Variants in WNT2B observed in about 807,000 individuals in gnomAD.
WNT2B encodes the protein Wnt family member 2B, also known as protein Wnt-2b.
In WNT2B, 19 loss-of-function variants were observed where a neutral mutation model predicts 40.5. That is an observed-to-expected ratio of 0.47 (90% confidence interval 0.33 to 0.69). The LOEUF is 0.69. WNT2B is among the 30% of genes least tolerant of loss of function. The probability of loss-of-function intolerance (pLI) is 0.02; values close to 1 mark genes in which losing one functional copy is unlikely to be tolerated. For synonymous variants in WNT2B, 220 were observed against 211.9 expected (o/e 1.04, Z -0.33); for missense variants, 467 against 556.4 (o/e 0.84, Z 1.62).
At chr1:112,502,669 C>T (rs1651996879) in intron 1 of WNT2B, among the ~76,000 whole-genome samples, 1 of 152,148 alleles carries the variant, frequency 6.6e-6, no homozygotes, top group African/African-American at 2.4e-5. Context: ...TGGAAAGACC[C>T]TTCTCCTGTG....
chr1:112,493,817 A>G (rs927489608), intron 1 of WNT2B, among the ~76,000 whole-genome samples: 1 of 152,136 alleles, frequency 6.6e-6, no homozygotes, highest in Non-Finnish European at 1.5e-5. Flanking sequence ...AATGTTGGCC[A>G]CCAAACCACA....
chr1:112,505,959 C>T (rs1295470848), upstream of WNT2B, among the ~76,000 whole-genome samples: 1 of 152,028 alleles, frequency 6.6e-6, no homozygotes, highest in East Asian at 1.9e-4. Context: ...TGGCTGTACC[C>T]CCCTCACCCC....
chr1:112,507,453 T>C (rs1427451731), upstream of WNT2B, among the ~76,000 whole-genome samples: 1 of 152,186 alleles, frequency 6.6e-6, no homozygotes, highest in Non-Finnish European at 1.5e-5. Flanking sequence ...TCACTGTAGG[T>C]TGGGGACAGG....
At chr1:112,489,829 G>C (rs1049939594) in intron 1 of WNT2B, among the ~76,000 whole-genome samples, 1 of 151,406 alleles carries the variant, frequency 6.6e-6, no homozygotes, top group Admixed American at 6.6e-5. Context: ...CATGTCCCTC[G>C]CCAGTATGTT....
chr1:112,506,792 T>TA (rs1179279254), upstream of WNT2B, among the ~76,000 whole-genome samples: 4 of 152,032 alleles, frequency 2.6e-5, no homozygotes, highest in Non-Finnish European at 5.9e-5. Flanking sequence ...GGGAAGAAAA[T>TA]AAGTTAGCCT....
chr1:112,509,329 C>A lies in WNT2B; in HGVS notation c.67C>A (p.Pro23Thr). The A allele has an allele frequency of 6.3e-7, 1 of 1,587,294 alleles. No individual in the cohort carries two copies. The highest frequency in any genetic ancestry group is 8.5e-7 in the Non-Finnish European group (1 of 1,173,452). ...GCTTCGGCGCGCCAGCGCCCCGGTC[C>A]CTGTGCCGTCGCCCGCGGCCCCCGA... ...LPLRRASAPV[P>T]VPSPAAPDGS... The change falls in exon 1 of 5, where the codon CCT (proline) becomes ACT (threonine). Residue 23 changes from proline (P) to threonine (T), a missense_variant. By Grantham distance (38) the Pro-to-Thr change is conservative. Coordinates refer to ENST00000369684, the MANE Select transcript of WNT2B (RefSeq NM_024494.3). The surrounding 1 kb of genome is among the most constrained non-coding windows in gnomAD (Gnocchi z 4.2).
chr1:112,490,855 A>G (rs1651579768), intron 1 of WNT2B, among the ~76,000 whole-genome samples: 1 of 152,092 alleles, frequency 6.6e-6, no homozygotes, highest in Admixed American at 6.6e-5. Flanking sequence ...CTACTCATCT[A>G]TCAAGGTCTA....
chr1:112,503,949 C>T (rs1026101366), intron 1 of WNT2B, among the ~76,000 whole-genome samples: 6 of 152,166 alleles, frequency 3.9e-5, no homozygotes, highest in Non-Finnish European at 7.3e-5. Flanking sequence ...GGGAGGGAGG[C>T]AGGCCATGCC....
chr1:112,481,192 C>T (rs572259047), intron 1 of WNT2B, among the ~76,000 whole-genome samples: 1 of 151,980 alleles, frequency 6.6e-6, no homozygotes, highest in South Asian at 2.1e-4. Context: ...AAATTATACA[C>T]CCTGAGCAAG....
At chr1:112,514,354 C>T (rs917684053) in intron 1 of WNT2B, among the ~76,000 whole-genome samples, 1 of 152,120 alleles carries the variant, frequency 6.6e-6, no homozygotes, top group Non-Finnish European at 1.5e-5. Context: ...GAGCTGTAAA[C>T]GTTACTCAGA....
At chr1:112,504,741 G>A (rs755060588), upstream of WNT2B, among the ~76,000 whole-genome samples, 2 of 152,140 alleles carry the variant, frequency 1.3e-5, no homozygotes, top group Non-Finnish European at 1.5e-5. Context: ...TGTGCAAGCA[G>A]CAGGCTCAGG....
intron 4 of WNT2B, chr1:112,518,387 A>G (rs577698506): frequency 2.0e-5 from 3 of 152,348 alleles, no homozygotes; most frequent in South Asian, 2.1e-4. Context: ...TATCTTCGGT[A>G]CTGTTTGTTT....
intron 1 of WNT2B, among the ~76,000 whole-genome samples, chr1:112,468,239 G>C (rs1650764671): frequency 6.6e-6 from 1 of 152,096 alleles, no homozygotes; most frequent in African/African-American, 2.4e-5. Context: ...TATCTTTGCT[G>C]TCATGAGTCG....
At chr1:112,485,626 G>A (rs1274496052) in intron 1 of WNT2B, among the ~76,000 whole-genome samples, 4 of 152,170 alleles carry the variant, frequency 2.6e-5, no homozygotes, top group African/African-American at 4.8e-5. Context: ...ATTCAATGGA[G>A]AAAGCGTAAT....
At chr1:112,513,555 G>C (rs976257531) in intron 1 of WNT2B, among the ~76,000 whole-genome samples, 5 of 139,120 alleles carry the variant, frequency 3.6e-5, no homozygotes, top group African/African-American at 1.3e-4. Context: ...GGGGGGTGGT[G>C]GGGGGGGACA....
chr1:112,502,803 A>G (rs1310406398), intron 1 of WNT2B, among the ~76,000 whole-genome samples: 1 of 152,140 alleles, frequency 6.6e-6, no homozygotes, highest in Admixed American at 6.5e-5. Context: ...GAGGCTATAG[A>G]GAAGGAAATT....
At chr1:112,469,347 A>T (rs1570757027) in intron 1 of WNT2B, among the ~76,000 whole-genome samples, 1 of 152,010 alleles carries the variant, frequency 6.6e-6, no homozygotes, top group African/African-American at 2.4e-5. Context: ...AAATTTTAGT[A>T]TTTTTTTTCT....
chr1:112,500,554 T>A (rs1463762282), intron 1 of WNT2B, among the ~76,000 whole-genome samples: 1 of 152,134 alleles, frequency 6.6e-6, no homozygotes, highest in Non-Finnish European at 1.5e-5. Flanking sequence ...AGGATTGCTT[T>A]AGCCCAGGAG....
intron 1 of WNT2B, among the ~76,000 whole-genome samples, chr1:112,500,189 C>G (rs1196447607): frequency 2.6e-5 from 4 of 152,152 alleles, no homozygotes; most frequent in African/African-American, 4.8e-5. Flanking sequence ...GTTCATGTTT[C>G]CCTCGTTCTG....
Sources: allele counts gnomAD v4.1 joint callset (sites outside exome capture counted in the v4.1 genomes callset), GRCh38; gene constraint gnomAD v4.1.1; non-coding constraint Gnocchi (gnomAD v3.1); transcripts MANE v1.5; gene names NCBI Gene and HGNC (gene_info 2026-07-23, HGNC 2026-07-21).